The following TRAPPC9 variants were observed in gnomAD, a reference collection of about 807,000 sequenced individuals.
TRAPPC9 encodes IKK2 binding protein.
In TRAPPC9, 83 loss-of-function variants were observed where a neutral mutation model predicts 124.0. The observed-to-expected ratio is 0.67, with a 90% CI of 0.56 to 0.80. TRAPPC9 has a LOEUF of 0.80. Among genes scored for constraint, TRAPPC9 ranks in the 30% least tolerant of loss-of-function variants. The probability of loss-of-function intolerance (pLI) is 0.00; values close to 1 mark genes in which losing one functional copy is unlikely to be tolerated. For missense variants in TRAPPC9, 1,302 were observed against 1,508.3 expected, an observed-to-expected ratio of 0.86 and a Z score of 2.27; for synonymous variants, 638 against 617.5, an observed-to-expected ratio of 1.03 and a Z score of -0.49.
chr8:140,052,354 T>C (rs894406748), intron 17 of TRAPPC9, among the ~76,000 whole-genome samples: 4 of 152,148 alleles, frequency 2.6e-5, no homozygotes, highest in Non-Finnish European at 4.4e-5. Context: ...ATGATAGTAA[T>C]GGCCGGGCAT....
intron 21 of TRAPPC9, among the ~76,000 whole-genome samples, chr8:139,831,817 C>T (rs1001533891): frequency 3.3e-5 from 5 of 152,230 alleles, no homozygotes; most frequent in Non-Finnish European, 7.3e-5. Flanking sequence ...TGGACGTGCT[C>T]GGAGTGTCTC....
intron 9 of TRAPPC9, among the ~76,000 whole-genome samples, chr8:140,323,942 T>C (rs749302750): frequency 6.6e-6 from 1 of 152,174 alleles, no homozygotes; most frequent in Non-Finnish European, 1.5e-5. Context: ...TGGTGTTTGG[T>C]TACATAAATC....
At chr8:140,230,320 G>T (rs1469318187) in intron 16 of TRAPPC9, among the ~76,000 whole-genome samples, 1 of 152,160 alleles carries the variant, frequency 6.6e-6, no homozygotes, top group South Asian at 2.1e-4. Context: ...AGAAAAAAAA[G>T]AAGTAGGGCT....
intron 10 of TRAPPC9, 142 bp from the exon 11 acceptor site, chr8:140,300,756 C>T: frequency 3.1e-6 from 3 of 962,600 alleles, no homozygotes; most frequent in Non-Finnish European, 3.3e-6. Flanking sequence ...CACTCCGAGG[C>T]ATCAGGACAC....
At position 140,254,591 on chromosome 8, in the gene TRAPPC9, G is replaced by A. The variant is rs553780625; in HGVS notation, c.2279-1662C>T. 1.4e-4 allele frequency among the ~76,000 whole-genome samples: 22 copies of A among 152,318 alleles called. No homozygotes were observed. In the East Asian group the frequency reaches 2.1e-3, roughly 15 times the overall value. ...ACAGGGGACAGGAAGCCATGAGCACGGGGCCCTCCTCCTCCCAGGAAGGGC... is the reference window on the plus strand; with the variant it reads ...ACAGGGGACAGGAAGCCATGAGCACAGGGCCCTCCTCCTCCCAGGAAGGGC... On this transcript the variant is annotated intron_variant, in intron 15 of 22. Transcript: ENST00000438773.
intron 9 of TRAPPC9, among the ~76,000 whole-genome samples, chr8:140,323,939 T>C (rs951532208): frequency 6.6e-6 from 1 of 152,186 alleles, no homozygotes; most frequent in African/African-American, 2.4e-5. Flanking sequence ...AGGTGGTGTT[T>C]GGTTACATAA....
intron 21 of TRAPPC9, among the ~76,000 whole-genome samples, chr8:139,782,655 C>A (rs1015734883): frequency 6.6e-6 from 1 of 152,114 alleles, no homozygotes; most frequent in African/African-American, 2.4e-5. Context: ...TCGATACCAG[C>A]AAATAGAAAA....
intron 20 of TRAPPC9, among the ~76,000 whole-genome samples, chr8:139,908,015 T>G (rs1274936331): frequency 6.6e-6 from 1 of 152,124 alleles, no homozygotes; most frequent in Non-Finnish European, 1.5e-5. Flanking sequence ...AAGGGTGACG[T>G]GGCCCAGGGC....
chr8:140,074,466 T>A (rs566915555), intron 17 of TRAPPC9, among the ~76,000 whole-genome samples: 1 of 152,326 alleles, frequency 6.6e-6, no homozygotes, highest in South Asian at 2.1e-4. Context: ...TTCATCAACA[T>A]CTGCTTCCCG....
chr8:140,068,591 T>G (rs966532661), intron 17 of TRAPPC9, among the ~76,000 whole-genome samples: 1 of 152,260 alleles, frequency 6.6e-6, no homozygotes, highest in Non-Finnish European at 1.5e-5. Context: ...TCAGCCACGC[T>G]TGTCATGAAA....
At chr8:140,387,302 A>C (rs1465839133) in intron 7 of TRAPPC9, among the ~76,000 whole-genome samples, 1 of 152,242 alleles carries the variant, frequency 6.6e-6, no homozygotes, top group African/African-American at 2.4e-5. Context: ...ACCATTCAGG[A>C]CATAGGCACG....
rs117541813 is a variant in TRAPPC9, at chr8:140,350,120, G to A, written c.1495+9930C>T. On this transcript the variant is annotated intron_variant, in intron 9 of 22. Coordinates refer to ENST00000438773, the MANE Select transcript of TRAPPC9 (RefSeq NM_001160372.4). Reference sequence around the variant, plus strand: ...CTGCGGCAGCCTTGGTTAGGAAGACGCGCCTTTCCAGCAAACATGCCCACT... The same window carrying A: ...CTGCGGCAGCCTTGGTTAGGAAGACACGCCTTTCCAGCAAACATGCCCACT... 6.9e-3 allele frequency among the ~76,000 whole-genome samples: 1,046 copies of A among 152,304 alleles called. 3 individuals carry two copies. The highest frequency in any genetic ancestry group is 0.01 in the Non-Finnish European group (688 of 68,018).
intron 18 of TRAPPC9, among the ~76,000 whole-genome samples, chr8:140,017,175 T>A (rs71514662): frequency 0.01 from 1,559 of 152,340 alleles, 18 homozygotes; most frequent in Non-Finnish European, 0.018. Context: ...ATGTTACAAT[T>A]TTTTTATCTT....
rs59393001 is a variant in TRAPPC9 at position 140,446,293 on chromosome 8, C to CAAAAAAAAAAAA, written c.584+4485_584+4496dup. Among the ~76,000 whole-genome samples, 15 of 110,370 alleles carry CAAAAAAAAAAAA rather than the reference C, an allele frequency of 1.4e-4. 3 individuals are homozygous for CAAAAAAAAAAAA. Among genetic ancestry groups the CAAAAAAAAAAAA allele is most frequent in the Non-Finnish European group, 1.1e-4 (6 of 54,890 alleles). The allele number at this position is 110,370 out of a possible 152,430, so 72.4% of individuals were successfully genotyped here. On this transcript the variant is annotated intron_variant, in intron 2 of 22. Transcript: ENST00000438773. ...TGGGCGAAAGAGTAAGACTCTGTCT[C>CAAAAAAAAAAAA]AAAAAAAAAAAAAAAAAAAGCAGAC...
At chr8:139,852,932 C>A (rs2130939344) in intron 21 of TRAPPC9, among the ~76,000 whole-genome samples, 1 of 152,360 alleles carries the variant, frequency 6.6e-6, no homozygotes, top group African/African-American at 2.4e-5. Flanking sequence ...AAACTGGCAT[C>A]TTGAGTTCTG....
intron 9 of TRAPPC9, among the ~76,000 whole-genome samples, chr8:140,322,088 G>A (rs2066611559): frequency 1.3e-5 from 2 of 152,308 alleles, no homozygotes; most frequent in African/African-American, 2.4e-5. Flanking sequence ...AAGGCTGGGG[G>A]CAGGACCAAG....
intron 21 of TRAPPC9, among the ~76,000 whole-genome samples, chr8:139,762,932 C>T (rs1820337733): frequency 6.6e-6 from 1 of 152,206 alleles, no homozygotes; most frequent in African/African-American, 2.4e-5. Context: ...CAGTCCAGGG[C>T]AGCCACTGCA....
In TRAPPC9 at chr8:140,311,383, A is replaced by C; in HGVS notation, c.1496-9T>G. ...GGCCACATCTTTCTTTTCTGAAGAG[A>C]AGATGAAAACAAAATAAAGATGTAT... On this transcript the variant is annotated splice_polypyrimidine_tract_variant and intron_variant, in intron 9 of 22. Coordinates refer to ENST00000438773, the MANE Select transcript of TRAPPC9 (RefSeq NM_001160372.4). 4 of 1,613,276 alleles carry C rather than the reference A, an allele frequency of 2.5e-6. No individual in the cohort carries two copies. The highest frequency in any genetic ancestry group is 3.4e-6 in the Non-Finnish European group (4 of 1,179,908).
intron 15 of TRAPPC9, among the ~76,000 whole-genome samples, chr8:140,264,448 T>C (rs946380071): frequency 6.6e-5 from 10 of 152,136 alleles, no homozygotes; most frequent in Non-Finnish European, 1.5e-4. Context: ...TTGGATTTGC[T>C]ATGGTTTTAA....
Sources: allele counts gnomAD v4.1 joint callset (sites outside exome capture counted in the v4.1 genomes callset), GRCh38; gene constraint gnomAD v4.1.1; transcripts MANE v1.5; gene names NCBI Gene and HGNC (gene_info 2026-07-23, HGNC 2026-07-21).